PPFIA2: variants seen among roughly 807,000 people sequenced by gnomAD.
PPFIA2 encodes the protein PPFI scaffold protein A2, also known as liprin-alpha-2.
Under a neutral mutation model 175.5 loss-of-function variants are expected in PPFIA2, and 46 were observed. The observed-to-expected ratio is 0.26, with a 90% CI of 0.21 to 0.34. The LOEUF (loss-of-function observed/expected upper bound fraction) is 0.34, where lower values mean the gene tolerates loss of function less well. PPFIA2 is among the 10% of genes least tolerant of loss of function. The pLI, the probability that PPFIA2 is intolerant of heterozygous loss-of-function variation, is 1.00. For missense variants in PPFIA2, 1,179 were observed against 1,506.1 expected (o/e 0.78, Z 3.60); for synonymous variants, 568 against 511.4 (o/e 1.11, Z -1.49).
chr12:81,343,390 G>A (rs1295420947), intron 19 of PPFIA2, among the ~76,000 whole-genome samples: 1 of 151,986 alleles, frequency 6.6e-6, no homozygotes, highest in Non-Finnish European at 1.5e-5. Flanking sequence ...ATTATACTTG[G>A]TAAATTTGGT....
chr12:81,693,064 C>G (rs1665538196), intron 3 of PPFIA2, among the ~76,000 whole-genome samples: 1 of 151,964 alleles, frequency 6.6e-6, no homozygotes, highest in Non-Finnish European at 1.5e-5. Flanking sequence ...ATAAGTACTC[C>G]TTAGTCAATA....
At position 81,543,719 on chromosome 12, in the gene PPFIA2, C is replaced by T. The variant is rs541966420; in HGVS notation, c.304-85853G>A. 1.1e-4 allele frequency among the ~76,000 whole-genome samples: 17 copies of T among 152,074 alleles called. No homozygotes were observed. The South Asian group carries it at 2.9e-3, about 26-fold the overall frequency. ...AAAATAACTTTATAGTGAAGAAACC[C>T]GACAAACAATTCCTCAGCCAGGTGA... On this transcript the variant is annotated intron_variant, in intron 4 of 32. Transcript: ENST00000549396.
At chr12:81,622,156 C>T (rs2062118531) in intron 4 of PPFIA2, among the ~76,000 whole-genome samples, 2 of 152,146 alleles carry the variant, frequency 1.3e-5, no homozygotes, top group Non-Finnish European at 2.9e-5. Context: ...GGACAGCAAT[C>T]CAGATGGAAT....
At chr12:81,265,019 G>A (rs374837666) in intron 30 of PPFIA2, among the ~76,000 whole-genome samples, 28 of 152,278 alleles carry the variant, frequency 1.8e-4, no homozygotes, top group Middle Eastern at 6.8e-3. Flanking sequence ...TTGGCTGGGC[G>A]TGGTGGCTCA....
chr12:81,370,640 C>A (rs1233276694), intron 11 of PPFIA2, among the ~76,000 whole-genome samples: 2 of 151,780 alleles, frequency 1.3e-5, no homozygotes, highest in Non-Finnish European at 2.9e-5. Flanking sequence ...GCACAGTTTC[C>A]TTGTAAGCTC....
At chr12:81,730,972 T>TA (rs1230603782) in intron 3 of PPFIA2, among the ~76,000 whole-genome samples, 1 of 151,560 alleles carries the variant, frequency 6.6e-6, no homozygotes, top group African/African-American at 2.4e-5. Context: ...AATCCCTATT[T>TA]AAAAAATGTA....
chr12:81,593,741 T>A (rs1277643673), intron 4 of PPFIA2, among the ~76,000 whole-genome samples: 5 of 152,126 alleles, frequency 3.3e-5, no homozygotes, highest in Non-Finnish European at 7.4e-5. Context: ...GCACTTTGAG[T>A]GAAGAGGCAA....
intron 4 of PPFIA2, chr12:81,472,822 C>A (rs1490098127): frequency 6.6e-6 from 1 of 152,176 alleles, no homozygotes; most frequent in Admixed American, 6.5e-5. Flanking sequence ...ATTTTCTCTC[C>A]TGTTCCTAGG....
In PPFIA2 at chr12:81,758,516, G is replaced by A. The variant is rs577681931; in HGVS notation, c.-110-9C>T. 3 of 446,218 alleles carry A rather than the reference G, an allele frequency of 6.7e-6. No individual in the cohort carries two copies. The highest frequency in any genetic ancestry group is 2.0e-5 in the African/African-American group (1 of 50,002). 27.6% of individuals were successfully genotyped at this position (446,218 alleles called of 1,614,324 possible). ...ACTCCTGGACCATTTCCCTAGCAACGGGAGGAGAAAGGCAGCTCAGACACA... is the reference window on the plus strand; with the variant it reads ...ACTCCTGGACCATTTCCCTAGCAACAGGAGGAGAAAGGCAGCTCAGACACA... On this transcript the variant is annotated splice_polypyrimidine_tract_variant and intron_variant, in intron 1 of 32. Transcript: ENST00000549396.
chr12:81,675,088 T>C (rs888761575), intron 4 of PPFIA2, among the ~76,000 whole-genome samples: 3 of 151,856 alleles, frequency 2.0e-5, no homozygotes, highest in Non-Finnish European at 4.4e-5. Context: ...ACCATCATGG[T>C]ATAGCACAGC....
chr12:81,499,003 A>T (rs1407646945), intron 4 of PPFIA2, among the ~76,000 whole-genome samples: 3 of 152,232 alleles, frequency 2.0e-5, no homozygotes. Flanking sequence ...ATAGAAAAAA[A>T]ATCAATATTC....
At chr12:81,495,761 G>A (rs1235609068) in intron 4 of PPFIA2, among the ~76,000 whole-genome samples, 1 of 152,188 alleles carries the variant, frequency 6.6e-6, no homozygotes, top group Non-Finnish European at 1.5e-5. Flanking sequence ...CCTACAGTGG[G>A]CTATAATTGT....
intron 3 of PPFIA2, among the ~76,000 whole-genome samples, chr12:81,681,008 G>A (rs922925341): frequency 2.6e-5 from 4 of 151,950 alleles, no homozygotes; most frequent in African/African-American, 9.7e-5. Context: ...CTAGGGACCT[G>A]AGGAGCTGAA....
intron 4 of PPFIA2, among the ~76,000 whole-genome samples, chr12:81,491,779 C>A (rs2059443717): frequency 6.6e-6 from 1 of 151,946 alleles, no homozygotes; most frequent in Non-Finnish European, 1.5e-5. Context: ...TCGAAGACAG[C>A]ACTTTATCAA....
rs181083057 is a variant in PPFIA2, at chr12:81,718,024, C to T, written c.249+35949G>A. Among the ~76,000 whole-genome samples the T allele has an allele frequency of 9.2e-5, 14 of 151,720 alleles. No individual in the cohort carries two copies. The East Asian group carries it at 2.5e-3, about 28-fold the overall frequency. On this transcript the variant is annotated intron_variant, in intron 3 of 32. Coordinates refer to ENST00000549396, the MANE Select transcript of PPFIA2 (RefSeq NM_003625.5). ...CTGTCCCTCACTGGAGAGGCACCTC[C>T]TATTTGGCCTGAGGGTAATGCTTCC...
intron 22 of PPFIA2, among the ~76,000 whole-genome samples, chr12:81,309,699 A>T (rs2050237401): frequency 6.6e-6 from 1 of 152,120 alleles, no homozygotes; most frequent in Admixed American, 6.5e-5. Flanking sequence ...ACTAAAATTC[A>T]TTCATATTTA....
chr12:81,628,376 C>CTTTTTTTTTTTTTT (rs11304359), intron 4 of PPFIA2, among the ~76,000 whole-genome samples: 1 of 111,676 alleles, frequency 9.0e-6, no homozygotes. Flanking sequence ...TTTCTTTTAC[C>CTTTTTTTTTTTTTT]TTTTTTTTTT....
intron 22 of PPFIA2, chr12:81,312,251 G>C (rs1162751532): frequency 5.5e-6 from 7 of 1,284,248 alleles, no homozygotes; most frequent in Non-Finnish European, 7.5e-6. Context: ...AGAAAACCAT[G>C]GAATAAAACA....
intron 18 of PPFIA2, among the ~76,000 whole-genome samples, chr12:81,345,816 G>A (rs1448095976): frequency 1.3e-5 from 2 of 152,078 alleles, no homozygotes; most frequent in East Asian, 3.8e-4. Context: ...AAAATCAGAT[G>A]AATGGTTCCT....
Sources: gnomAD v4.1 joint callset for allele counts (sites outside exome capture counted in the v4.1 genomes callset) on GRCh38, gnomAD v4.1.1 for gene constraint, MANE v1.5 for transcripts, NCBI Gene and HGNC (gene_info 2026-07-23, HGNC 2026-07-21) for gene names.